The following UPF2 variants were observed in gnomAD, a reference collection of about 807,000 sequenced individuals.
The protein encoded by UPF2 is regulator of nonsense transcripts 2.
Under a neutral mutation model 141.4 loss-of-function variants are expected in UPF2, and 17 were observed. That is an observed-to-expected ratio of 0.12 (90% CI 0.08 to 0.18). The LOEUF (loss-of-function observed/expected upper bound fraction) is 0.18. UPF2 is among the 10% of genes least tolerant of loss of function. The probability of loss-of-function intolerance (pLI) is 1.00; values close to 1 mark genes in which losing one functional copy is unlikely to be tolerated. For synonymous variants in UPF2, 540 were observed against 498.0 expected (o/e 1.08, Z -1.12); for missense variants, 1,152 against 1,515.9 (o/e 0.76, Z 3.99).
rs534564511 is a variant in UPF2, at chr10:11,994,663, G to A, written c.1844+3009C>T. ...GCCAAACACTATACTTGGTGTTGGA[G>A]ATGCACAAAATGAAAAGATCGAGTC... On this transcript the variant is annotated intron_variant, in intron 8 of 21. Coordinates refer to ENST00000357604, the MANE Select transcript of UPF2 (RefSeq NM_015542.4). Among the ~76,000 whole-genome samples the A allele has an allele frequency of 5.3e-5, 8 of 152,264 alleles. No homozygotes were observed. The East Asian group carries it at 1.5e-3, about 29-fold the overall frequency.
At position 12,014,354 on chromosome 10, in the gene UPF2, T is replaced by C. The variant is rs7893263; in HGVS notation, c.1146-170A>G. ...TTCAAAATGTATCTGAAATGTATAA[T>C]GAAATTCACCTGAACATTTAAATTT... On this transcript the variant is annotated intron_variant, in intron 3 of 21. Coordinates refer to ENST00000357604, the MANE Select transcript of UPF2 (RefSeq NM_015542.4). The surrounding 1 kb of genome is among the most constrained non-coding windows in gnomAD (Gnocchi z 5.0). Among the ~76,000 whole-genome samples the C allele has an allele frequency of 6.6e-6, 1 of 152,204 alleles. No individual in the cohort carries two copies. The highest frequency in any genetic ancestry group is 2.4e-5 in the African/African-American group (1 of 41,466).
chr10:12,000,263 A>T (rs1401778533), intron 6 of UPF2, among the ~76,000 whole-genome samples: 1 of 152,222 alleles, frequency 6.6e-6, no homozygotes, highest in African/African-American at 2.4e-5. Context: ...TTGGTCAGAA[A>T]AAGCATGCAG....
chr10:11,929,412 A>G (rs1832754274), intron 21 of UPF2, among the ~76,000 whole-genome samples: 1 of 152,220 alleles, frequency 6.6e-6, no homozygotes, highest in African/African-American at 2.4e-5. Flanking sequence ...CCACGTGGGC[A>G]GATGGCTTGA....
In UPF2 at chr10:11,921,523, T is replaced by C. The variant is rs1194986406; in HGVS notation, c.3810-216A>G. Among the ~76,000 whole-genome samples, 1 of 152,140 alleles carries C rather than the reference T, an allele frequency of 6.6e-6. No homozygotes were observed. Among genetic ancestry groups the C allele is most frequent in the Non-Finnish European group, 1.5e-5 (1 of 68,028 alleles). On this transcript the variant is annotated intron_variant, in intron 21 of 21. Transcript: ENST00000357604. The surrounding 1 kb of genome is among the most constrained non-coding windows in gnomAD (Gnocchi z 5.9). ...CATAAATATTAAAAACAATACAGTA[T>C]ATCAACTATCTCCATAGCATCTACA... is the stretch of plus-strand genomic sequence containing the variant.
chr10:11,925,822 G>A (rs1173186574), intron 21 of UPF2, among the ~76,000 whole-genome samples: 1 of 152,198 alleles, frequency 6.6e-6, no homozygotes, highest in Non-Finnish European at 1.5e-5. Context: ...AGCAGGAGAT[G>A]AAGCCAGTAA....
intron 10 of UPF2, among the ~76,000 whole-genome samples, chr10:11,966,540 T>G (rs556146096): frequency 1.8e-4 from 28 of 152,170 alleles, no homozygotes; most frequent in Non-Finnish European, 3.8e-4. Flanking sequence ...TTCTCCTCCC[T>G]CAGCCTCCCG....
chr10:11,934,024 A>G (rs1272739436), intron 19 of UPF2, among the ~76,000 whole-genome samples: 1 of 152,232 alleles, frequency 6.6e-6, no homozygotes, highest in Non-Finnish European at 1.5e-5. Flanking sequence ...GCATGTGTGC[A>G]TGCCTTCCAA....
At chr10:12,003,817 T>C (rs904788801) in intron 5 of UPF2, among the ~76,000 whole-genome samples, 1 of 140,320 alleles carries the variant, frequency 7.1e-6, no homozygotes, top group African/African-American at 2.7e-5. Context: ...CCCAGTTACT[T>C]GGGAGGCTAA....
chr10:11,979,266 T>A lies in UPF2; in HGVS notation c.1845-101A>T, dbSNP rs1242423118. On this transcript the variant is annotated intron_variant, in intron 8 of 21. Transcript: ENST00000357604. This position sits in a 1 kb window ranked among gnomAD's most constrained non-coding sequence, Gnocchi z 6.2. ...AGATGTATTCACACATTAAATGATC[T>A]TAAAACTCATAATCATACAGACATG... 2 of 784,180 alleles carry A rather than the reference T, an allele frequency of 2.6e-6. No homozygotes were observed. Among genetic ancestry groups the A allele is most frequent in the Non-Finnish European group, 4.0e-6 (2 of 499,772 alleles). The allele number at this position is 784,180 out of a possible 1,614,324, so 48.6% of individuals were successfully genotyped here. A position where few individuals can be genotyped will look rare whatever the true frequency, so the allele number is the denominator to read the frequency against.
At chr10:11,970,786 C>T (rs922427031) in intron 9 of UPF2, among the ~76,000 whole-genome samples, 10 of 151,842 alleles carry the variant, frequency 6.6e-5, no homozygotes, top group Admixed American at 5.2e-4. Flanking sequence ...CATTCCAGCC[C>T]GGGCGACAGA....
intron 3 of UPF2, among the ~76,000 whole-genome samples, chr10:12,027,694 C>T (rs1834445132): frequency 6.6e-6 from 1 of 152,100 alleles, no homozygotes; most frequent in South Asian, 2.1e-4. Context: ...TCTGAGTGAC[C>T]TTCAGCCACA....
chr10:11,968,601 C>CT (rs76580775), intron 9 of UPF2, among the ~76,000 whole-genome samples: 27,422 of 152,032 alleles, frequency 0.18, 2,731 homozygotes, highest in South Asian at 0.27. Context: ...AATCACTGTT[C>CT]TTTTTTATCA....
rs1467155180 is a variant in UPF2 at position 12,004,600 on chromosome 10, G to A, written c.1434C>T (p.Val478=). The A allele has an allele frequency of 6.2e-7, 1 of 1,613,708 alleles. No homozygotes were observed. The highest frequency in any genetic ancestry group is 1.1e-5 in the South Asian group (1 of 91,066). ...CATTGTCTTTAAACAAGATGGCTGG[G>A]ACAAAAGCCTTCAAATCAATGAGGT... is the stretch of plus-strand genomic sequence containing the variant. ...YENLIDLKAF[V]PAILFKDNEK... is the part of the protein sequence containing the mutation. The change falls in exon 5 of 22, where the codon GTC becomes GTT. Residue 478 remains valine, a synonymous_variant. Coordinates refer to ENST00000357604, the MANE Select transcript of UPF2 (RefSeq NM_015542.4).
Position 12,018,537 on chromosome 10 carries a change from C to T in UPF2, c.1146-4353G>A, listed in dbSNP as rs568378508. ...CAAAGGTTGCAGTGAGCCAAGACCGCACCACTGCACTCTAGCCTGGGGGAC... is the reference window on the plus strand; with the variant it reads ...CAAAGGTTGCAGTGAGCCAAGACCGTACCACTGCACTCTAGCCTGGGGGAC... On this transcript the variant is annotated intron_variant, in intron 3 of 21. Coordinates refer to ENST00000357604, the MANE Select transcript of UPF2 (RefSeq NM_015542.4). Among the ~76,000 whole-genome samples, 14 of 152,034 alleles carry T rather than the reference C, an allele frequency of 9.2e-5. 1 individual carries two copies. In the East Asian group the frequency reaches 2.5e-3, roughly 27 times the overall value.
In UPF2 at chr10:11,994,975, C is replaced by CAAAAAAA. The variant is rs60922532; in HGVS notation, c.1844+2690_1844+2696dup. On this transcript the variant is annotated intron_variant, in intron 8 of 21. Transcript: ENST00000357604. ...TGGGCAACAGAGTGAGACTCCATCT[C>CAAAAAAA]AAAAAAAAAAAAAAAAAAAAAAAAA... Among the ~76,000 whole-genome samples the CAAAAAAA allele has an allele frequency of 2.3e-4, 12 of 51,358 alleles. 1 individual carries two copies. The highest frequency in any genetic ancestry group is 1.2e-3 in the East Asian group (1 of 802). The allele number at this position is 51,358 out of a possible 152,430, so 33.7% of individuals were successfully genotyped here.
rs747836577 is a variant in UPF2, at chr10:12,029,140, T to C, written c.750A>G (p.Ala250=). 6.2e-7 allele frequency: 1 copy of C among 1,614,236 alleles called. No individual in the cohort carries two copies. The highest frequency in any genetic ancestry group is 8.5e-7 in the Non-Finnish European group (1 of 1,180,042). The part of the protein sequence containing the change: ...LLQVWKKHFE[A]RKEEKTPNIT... ...TGTTAGGTGTTTTCTCCTCTTTCCT[T>C]GCTTCAAAATGTTTTTTCCAGACCT... Residue 250 remains alanine (A), a synonymous_variant, in exon 3 of 22, where the codon GCA becomes GCG. Transcript: ENST00000357604.
intron 3 of UPF2, among the ~76,000 whole-genome samples, chr10:12,024,797 G>A (rs1397313194): frequency 1.3e-5 from 2 of 151,512 alleles, no homozygotes; most frequent in African/African-American, 4.9e-5. Flanking sequence ...ACCAGGCATG[G>A]TAGCACGTGC....
intron 20 of UPF2, 142 bp from the exon 21 acceptor site, chr10:11,930,127 AAAATGATTAAGAAGTTTT>A: frequency 8.5e-7 from 1 of 1,176,548 alleles, no homozygotes; most frequent in Non-Finnish European, 1.2e-6. Flanking sequence ...TATACAGACT[AAAATGATTAAGAAGTTTT>A]AAAAGAGCAT....
rs1832922564 is a variant in UPF2 at position 11,940,414 on chromosome 10, C to T, written c.3378+2251G>A. 6.6e-6 allele frequency among the ~76,000 whole-genome samples: 1 copy of T among 152,176 alleles called. No individual in the cohort carries two copies. Among genetic ancestry groups the T allele is most frequent in the Non-Finnish European group, 1.5e-5 (1 of 68,032 alleles). ...CGGGGATGAATCATTTGTTCCGATG[C>T]TTTCAATATACTCTACCCATCACAT... is the stretch of plus-strand genomic sequence containing the variant. On this transcript the variant is annotated intron_variant, in intron 18 of 21. Transcript: ENST00000357604. This position sits in a 1 kb window ranked among gnomAD's most constrained non-coding sequence, Gnocchi z 4.2.
Sources: allele counts gnomAD v4.1 joint callset (sites outside exome capture counted in the v4.1 genomes callset), GRCh38; gene constraint gnomAD v4.1.1; non-coding constraint Gnocchi (gnomAD v3.1); transcripts MANE v1.5; gene names NCBI Gene and HGNC (gene_info 2026-07-23, HGNC 2026-07-21).